FMNL2: variants seen among roughly 807,000 people sequenced by gnomAD.
FMNL2 encodes formin-like protein 2.
A neutral mutation model predicts 130.2 loss-of-function variants in FMNL2; 51 were observed. The observed-to-expected ratio is 0.39, with a 90% CI of 0.31 to 0.49. The LOEUF (loss-of-function observed/expected upper bound fraction) is 0.49, where lower values mean the gene tolerates loss of function less well. Ranked by LOEUF, FMNL2 falls within the 20% of genes least tolerant of loss-of-function variation. The probability of loss-of-function intolerance (pLI) is 0.85; values close to 1 mark genes in which losing one functional copy is unlikely to be tolerated. For synonymous variants in FMNL2, 465 were observed against 467.1 expected (o/e 1.00, Z 0.06); for missense variants, 977 against 1,316.2 (o/e 0.74, Z 3.99).
At chr2:152,490,289 G>A (rs1222862421) in intron 1 of FMNL2, among the ~76,000 whole-genome samples, 1 of 151,672 alleles carries the variant, frequency 6.6e-6, no homozygotes, top group African/African-American at 2.4e-5. Context: ...GGGAGTGGGA[G>A]AGGTTTGGGG....
At chr2:152,628,168 C>G in intron 17 of FMNL2, 131 bp from the exon 18 acceptor site, 2 of 755,944 alleles carry the variant, frequency 2.6e-6, no homozygotes. Context: ...AAATCTTAGA[C>G]TCGTTGATTT....
intron 1 of FMNL2, among the ~76,000 whole-genome samples, chr2:152,387,195 G>A (rs1267363898): frequency 1.1e-4 from 16 of 152,052 alleles, no homozygotes; most frequent in Admixed American, 1.0e-3. Flanking sequence ...TATCTATAGT[G>A]TGCTGTTGCC....
At chr2:152,469,732 CTATGT>C (rs1209611085) in intron 1 of FMNL2, among the ~76,000 whole-genome samples, 6 of 152,230 alleles carry the variant, frequency 3.9e-5, no homozygotes, top group Middle Eastern at 3.4e-3. Flanking sequence ...TTTTCTTCTG[CTATGT>C]TTTCTGGTTA....
Position 152,549,064 on chromosome 2 carries a change from A to C in FMNL2, c.326A>C (p.Glu109Ala). 6.2e-7 allele frequency: 1 copy of C among 1,610,680 alleles called. No individual in the cohort carries two copies. Among genetic ancestry groups the C allele is most frequent in the Admixed American group, 1.7e-5 (1 of 59,490 alleles). Residue 109 changes from glutamate (E) to alanine (A), a missense_variant, in exon 4 of 26, where the codon GAA becomes GCA. Transcript: ENST00000288670. ...RVQESTQVLR[E>A]LEISLRTNHI... ...CAAGAATCTACACAAGTGCTAAGAGAACTGGAAATTTCTTTGAGAACTAAC... is the reference window on the plus strand; with the variant it reads ...CAAGAATCTACACAAGTGCTAAGAGCACTGGAAATTTCTTTGAGAACTAAC...
intron 4 of FMNL2, among the ~76,000 whole-genome samples, chr2:152,551,553 C>G (rs1694935926): frequency 6.6e-6 from 1 of 152,234 alleles, no homozygotes; most frequent in South Asian, 2.1e-4. Flanking sequence ...CCTGAACTCA[C>G]TCTTTGTTAT....
chr2:152,561,115 C>A, intron 6 of FMNL2, 80 bp downstream of exon 6: 1 of 1,401,480 alleles, frequency 7.1e-7, no homozygotes, highest in South Asian at 1.5e-5. Flanking sequence ...TGATTCTGGG[C>A]ACTGTATCTC....
At position 152,335,737 on chromosome 2, in the gene FMNL2, G is replaced by C. The variant is rs772893119; in HGVS notation, c.117+17G>C. ...ATCGTGCTGGTAAGTGCGCGGCGGC[G>C]GTCGGGCGCGGGGACCCGGGGCCCC... On this transcript the variant is annotated intron_variant, in intron 1 of 25. Coordinates refer to ENST00000288670, the MANE Select transcript of FMNL2 (RefSeq NM_052905.4). 1.1e-5 allele frequency: 17 copies of C among 1,550,688 alleles called. No individual in the cohort carries two copies. Among genetic ancestry groups the C allele is most frequent in the Non-Finnish European group, 1.5e-5 (17 of 1,149,822 alleles).
chr2:152,629,629 CTT>C (rs1682033572), intron 18 of FMNL2, 25 bp from the exon 19 acceptor site: 4 of 1,564,742 alleles, frequency 2.6e-6, no homozygotes, highest in Non-Finnish European at 3.5e-6. Context: ...CTTTTTTCCC[CTT>C]TTTCTTTCTT....
intron 1 of FMNL2, among the ~76,000 whole-genome samples, chr2:152,362,664 A>C (rs12478426): frequency 0.67 from 102,289 of 151,698 alleles, 36,337 homozygotes; most frequent in Admixed American, 0.81. Context: ...AATCATCCAT[A>C]ATCATTGATT....
chr2:152,591,233 A>C, intron 9 of FMNL2, among the ~76,000 whole-genome samples: 1 of 151,014 alleles, frequency 6.6e-6, no homozygotes, highest in East Asian at 2.0e-4. Flanking sequence ...CTGGTCTCGA[A>C]CTCCTGACTT....
At chr2:152,511,568 G>A (rs1367180967) in intron 1 of FMNL2, among the ~76,000 whole-genome samples, 2 of 152,186 alleles carry the variant, frequency 1.3e-5, no homozygotes, top group African/African-American at 4.8e-5. Context: ...CGTGACCTTA[G>A]TTGAACATAA....
chr2:152,391,173 T>C (rs1355852749), intron 1 of FMNL2, among the ~76,000 whole-genome samples: 1 of 152,210 alleles, frequency 6.6e-6, no homozygotes, highest in Non-Finnish European at 1.5e-5. Context: ...GTGAATTGAT[T>C]CTAGAGGTGG....
At chr2:152,595,746 A>G (rs75529203) in intron 9 of FMNL2, among the ~76,000 whole-genome samples, 2,111 of 152,168 alleles carry the variant, frequency 0.014, 71 homozygotes, top group East Asian at 0.1. Flanking sequence ...CATGCGGAGG[A>G]GATCTCTTTC....
intron 2 of FMNL2, among the ~76,000 whole-genome samples, chr2:152,523,267 C>T (rs1009044128): frequency 6.6e-6 from 1 of 152,112 alleles, no homozygotes; most frequent in African/African-American, 2.4e-5. Context: ...CATGGTGAAT[C>T]ATGGAACTGG....
intron 1 of FMNL2, among the ~76,000 whole-genome samples, chr2:152,338,820 T>TACAA: frequency 6.7e-6 from 1 of 148,870 alleles, no homozygotes; most frequent in East Asian, 2.0e-4. Flanking sequence ...GAAGGTGAGA[T>TACAA]ACACACACAC....
At chr2:152,623,680 A>G (rs1681533663) in intron 15 of FMNL2, among the ~76,000 whole-genome samples, 1 of 152,162 alleles carries the variant, frequency 6.6e-6, no homozygotes, top group African/African-American at 2.4e-5. Context: ...TGTCTTGCTA[A>G]TAATGACAAA....
chr2:152,623,738 G>A (rs1389268685), intron 15 of FMNL2, among the ~76,000 whole-genome samples: 1 of 152,104 alleles, frequency 6.6e-6, no homozygotes, highest in Non-Finnish European at 1.5e-5. Flanking sequence ...ACAGACTGAC[G>A]AAGCTGAATG....
At chr2:152,589,468 C>T (rs1281921344) in intron 9 of FMNL2, among the ~76,000 whole-genome samples, 1 of 152,020 alleles carries the variant, frequency 6.6e-6, no homozygotes, top group African/African-American at 2.4e-5. Context: ...TGGAAGATAA[C>T]GAGGAGAACC....
intron 1 of FMNL2, among the ~76,000 whole-genome samples, chr2:152,353,638 A>G (rs769554741): frequency 3.9e-5 from 6 of 152,196 alleles, no homozygotes; most frequent in African/African-American, 1.4e-4. Context: ...CTTGGTAGCC[A>G]CATCCGTCAT....
Sources: allele counts gnomAD v4.1 joint callset (sites outside exome capture counted in the v4.1 genomes callset), GRCh38; gene constraint gnomAD v4.1.1; transcripts MANE v1.5; gene names NCBI Gene and HGNC (gene_info 2026-07-23, HGNC 2026-07-21).